The following CHIC2 variants were observed in gnomAD, a reference collection of about 807,000 sequenced individuals.
The protein encoded by CHIC2 is cysteine rich hydrophobic domain 2, also known as cysteine-rich hydrophobic domain-containing protein 2.
In CHIC2, 14 loss-of-function variants were observed where a neutral mutation model predicts 25.9. The ratio of observed to expected loss-of-function variants is 0.54; its 90% CI spans 0.36 to 0.85. CHIC2 has a LOEUF of 0.85. Among genes scored for constraint, CHIC2 ranks in the 40% least tolerant of loss-of-function variants. The probability of loss-of-function intolerance (pLI) is 0.01; values close to 1 mark genes in which losing one functional copy is unlikely to be tolerated. For missense variants in CHIC2, 146 were observed against 202.0 expected, an observed-to-expected ratio of 0.72 and a Z score of 1.68; for synonymous variants, 70 against 72.0, an observed-to-expected ratio of 0.97 and a Z score of 0.14.
At chr4:54,045,649 T>A (rs1716761213) in intron 3 of CHIC2, among the ~76,000 whole-genome samples, 1 of 151,846 alleles carries the variant, frequency 6.6e-6, no homozygotes, top group African/African-American at 2.4e-5. Flanking sequence ...GGGACATATC[T>A]CAAAATAATA....
intron 3 of CHIC2, among the ~76,000 whole-genome samples, chr4:54,029,374 A>T (rs1321837245): frequency 2.0e-5 from 3 of 152,188 alleles, no homozygotes; most frequent in Non-Finnish European, 4.4e-5. Flanking sequence ...AAATCATATG[A>T]AAGACAAGAA....
intron 1 of CHIC2, among the ~76,000 whole-genome samples, chr4:54,062,749 T>G (rs952198448): frequency 1.3e-5 from 2 of 152,222 alleles, no homozygotes; most frequent in Non-Finnish European, 2.9e-5. Flanking sequence ...AAATCACTTC[T>G]TTAAGCATCC....
chr4:54,087,795 A>G, the CHIC2 span: 1 of 427,802 alleles, frequency 2.3e-6, no homozygotes, highest in Non-Finnish European at 4.4e-6. Flanking sequence ...GCTGGTCTAC[A>G]GACCATTCAC....
the CHIC2 span, among the ~76,000 whole-genome samples, chr4:54,080,670 G>T: frequency 6.6e-6 from 1 of 150,950 alleles, no homozygotes; most frequent in Non-Finnish European, 1.5e-5. Flanking sequence ...GGAAGCTGAG[G>T]TATGAGAATT....
At chr4:54,032,249 G>C (rs1288072712) in intron 3 of CHIC2, among the ~76,000 whole-genome samples, 1 of 151,724 alleles carries the variant, frequency 6.6e-6, no homozygotes, top group African/African-American at 2.4e-5. Context: ...TTAAGAAGTT[G>C]GTGTATCCTC....
chr4:54,075,349 G>A, the CHIC2 span, among the ~76,000 whole-genome samples: 1 of 152,096 alleles, frequency 6.6e-6, no homozygotes. Flanking sequence ...ATACACGTTA[G>A]TTACTGGACG....
chr4:54,066,732 C>G (rs1465675790), upstream of CHIC2, among the ~76,000 whole-genome samples: 1 of 151,766 alleles, frequency 6.6e-6, no homozygotes, highest in Non-Finnish European at 1.5e-5. Flanking sequence ...CTCAAGCGAT[C>G]CTCCCTCCTC....
chr4:54,055,585 T>C (rs1336021141), intron 1 of CHIC2, among the ~76,000 whole-genome samples: 2 of 152,182 alleles, frequency 1.3e-5, no homozygotes, highest in African/African-American at 2.4e-5. Flanking sequence ...ATACAGAGAA[T>C]TTTTATGTTC....
chr4:54,064,727 G>T (rs1004955355), upstream of CHIC2: 4 of 903,154 alleles, frequency 4.4e-6, no homozygotes, highest in African/African-American at 7.2e-5. This position sits in a 1 kb window ranked among gnomAD's most constrained non-coding sequence, Gnocchi z 4.2. Context: ...GCTGGCGGGC[G>T]GGCGGGCGCG....
chr4:54,072,609 T>C, the CHIC2 span, among the ~76,000 whole-genome samples: 1 of 152,200 alleles, frequency 6.6e-6, no homozygotes, highest in African/African-American at 2.4e-5. Flanking sequence ...AAAGACTAGA[T>C]TCTTTAAGGT....
chr4:54,036,233 T>G (rs1186831480), intron 3 of CHIC2, among the ~76,000 whole-genome samples: 3 of 152,226 alleles, frequency 2.0e-5, no homozygotes, highest in African/African-American at 7.2e-5. Context: ...GTAGGGATTT[T>G]CTGTCTACTA....
intron 3 of CHIC2, among the ~76,000 whole-genome samples, chr4:54,039,698 C>G (rs1371475978): frequency 6.6e-6 from 1 of 152,146 alleles, no homozygotes; most frequent in African/African-American, 2.4e-5. Flanking sequence ...TATAACCCGG[C>G]AATCCCCTTC....
chr4:54,040,534 C>G (rs1483436559), intron 3 of CHIC2, among the ~76,000 whole-genome samples: 5 of 151,944 alleles, frequency 3.3e-5, no homozygotes, highest in Admixed American at 6.6e-5. Context: ...AACCCCGTCT[C>G]TACTAAAAAT....
intron 3 of CHIC2, among the ~76,000 whole-genome samples, chr4:54,046,628 C>T (rs887059737): frequency 6.6e-6 from 1 of 152,170 alleles, no homozygotes; most frequent in African/African-American, 2.4e-5. Context: ...CCCTTCCTTA[C>T]ACCTTATACA....
upstream of CHIC2, chr4:54,064,833 C>T (rs922297129): frequency 3.4e-5 from 7 of 206,176 alleles, no homozygotes; most frequent in Admixed American, 2.6e-4. This position sits in a 1 kb window ranked among gnomAD's most constrained non-coding sequence, Gnocchi z 4.2. Context: ...GGCGGGCCCC[C>T]CTCCGCCGAC....
chr4:54,087,696 C>T, the CHIC2 span: 10 of 537,608 alleles, frequency 1.9e-5, no homozygotes, highest in East Asian at 3.1e-5. Context: ...TGCATGATTT[C>T]CTAAAATATC....
upstream of CHIC2, among the ~76,000 whole-genome samples, chr4:54,064,954 A>G (rs1328154140): frequency 2.0e-5 from 3 of 152,212 alleles, no homozygotes; most frequent in African/African-American, 7.2e-5. The surrounding 1 kb of genome is among the most constrained non-coding windows in gnomAD (Gnocchi z 4.2). Flanking sequence ...CCCCAAAGTC[A>G]TCTCTAACCA....
intron 3 of CHIC2, among the ~76,000 whole-genome samples, chr4:54,030,577 T>C (rs938249134): frequency 2.5e-5 from 3 of 121,100 alleles, no homozygotes; most frequent in African/African-American, 9.9e-5. Flanking sequence ...CACACACATA[T>C]ACAATATATA....
the CHIC2 span, among the ~76,000 whole-genome samples, chr4:54,090,544 C>T: frequency 6.6e-6 from 1 of 152,072 alleles, no homozygotes; most frequent in Non-Finnish European, 1.5e-5. Flanking sequence ...ACGCATCCTC[C>T]CTCTTTCCCC....
Sources: gnomAD v4.1 joint callset for allele counts (sites outside exome capture counted in the v4.1 genomes callset) on GRCh38, gnomAD v4.1.1 for gene constraint, Gnocchi (gnomAD v3.1) non-coding constraint, MANE v1.5 for transcripts, NCBI Gene and HGNC (gene_info 2026-07-23, HGNC 2026-07-21) for gene names.